Variants in NPEPPS observed in about 807,000 individuals in gnomAD.
NPEPPS encodes the protein puromycin-sensitive aminopeptidase.
NPEPPS carries 14 observed loss-of-function variants against 115.5 expected under a neutral mutation model. The observed-to-expected ratio is 0.12, with a 90% CI of 0.08 to 0.19. NPEPPS has a LOEUF of 0.19. Ranked by LOEUF, NPEPPS falls within the 10% of genes least tolerant of loss-of-function variation. NPEPPS has a pLI of 1.00. For missense variants in NPEPPS, 523 were observed against 1,110.8 expected, an observed-to-expected ratio of 0.47 and a Z score of 7.52; for synonymous variants, 285 against 390.6, an observed-to-expected ratio of 0.73 and a Z score of 3.19.
At chr17:47,576,374 T>A (rs1389334949) in intron 3 of NPEPPS, among the ~76,000 whole-genome samples, 1 of 152,150 alleles carries the variant, frequency 6.6e-6, no homozygotes, top group Non-Finnish European at 1.5e-5. Flanking sequence ...CGCCTGTAGT[T>A]CCAGCTAATC....
intron 3 of NPEPPS, among the ~76,000 whole-genome samples, chr17:47,572,423 A>G (rs1420441749): frequency 6.6e-6 from 1 of 152,084 alleles, no homozygotes; most frequent in Non-Finnish European, 1.5e-5. Flanking sequence ...GCAAAATTAT[A>G]AGTATAATAG....
At chr17:47,546,044 G>GT (rs1491409710) in intron 2 of NPEPPS, 51 bp downstream of exon 2, 10 of 1,178,564 alleles carry the variant, frequency 8.5e-6, no homozygotes, top group Non-Finnish European at 1.1e-5. Context: ...CATATGTGGG[G>GT]TGTGTGTGTG....
intron 19 of NPEPPS, among the ~76,000 whole-genome samples, chr17:47,614,826 T>C (rs118119993): frequency 1.1e-3 from 166 of 152,088 alleles, no homozygotes; most frequent in Middle Eastern, 3.4e-3. Flanking sequence ...AGGACAGGAG[T>C]GGAATGTGCT....
intron 8 of NPEPPS, 153 bp downstream of exon 8, chr17:47,586,551 A>T: frequency 1.5e-6 from 1 of 661,950 alleles, no homozygotes; most frequent in Non-Finnish European, 2.7e-6. Context: ...AAGAATGCAG[A>T]TGGACACCCC....
chr17:47,579,877 T>A (rs1271198297), intron 4 of NPEPPS: 1 of 189,948 alleles, frequency 5.3e-6, no homozygotes, highest in East Asian at 1.5e-4. Context: ...TTCTTTGACA[T>A]CTTTTGTTTA....
intron 15 of NPEPPS, among the ~76,000 whole-genome samples, chr17:47,602,198 T>C (rs1005218648): frequency 8.5e-5 from 13 of 152,184 alleles, no homozygotes; most frequent in Non-Finnish European, 1.9e-4. Context: ...TTCACAAAAA[T>C]ACCAATAGGT....
chr17:47,549,876 A>C (rs2143728866), intron 2 of NPEPPS, among the ~76,000 whole-genome samples: 1 of 151,426 alleles, frequency 6.6e-6, no homozygotes, highest in Non-Finnish European at 1.5e-5. Flanking sequence ...TAAAAAAAGA[A>C]GGTAAAAGTA....
chr17:47,550,588 AAC>A (rs1909575499), intron 2 of NPEPPS, among the ~76,000 whole-genome samples: 2 of 147,644 alleles, frequency 1.4e-5, no homozygotes, highest in African/African-American at 4.9e-5. Flanking sequence ...TAGATATAGT[AAC>A]AGTTATACCA....
chr17:47,544,731 T>G (rs2075467994), intron 1 of NPEPPS, among the ~76,000 whole-genome samples: 1 of 144,482 alleles, frequency 6.9e-6, no homozygotes, highest in African/African-American at 2.5e-5. Flanking sequence ...TTTTTTTTTT[T>G]GAGACGTAGG....
intron 2 of NPEPPS, chr17:47,557,627 T>TGCA (rs1231500502): frequency 6.7e-6 from 1 of 149,344 alleles, no homozygotes; most frequent in African/African-American, 2.4e-5. Context: ...AAAAATGTAC[T>TGCA]GCTTTTAGCT....
At chr17:47,605,741 TG>T (rs1224200153) in intron 17 of NPEPPS, among the ~76,000 whole-genome samples, 189 bp downstream of exon 17, 1 of 152,174 alleles carries the variant, frequency 6.6e-6, no homozygotes, top group Non-Finnish European at 1.5e-5. Flanking sequence ...GAAACAGTAG[TG>T]GTTATGTGTG....
At chr17:47,535,242 CAAAAAAAAAAAAA>C (rs1163530675) in intron 1 of NPEPPS, among the ~76,000 whole-genome samples, 5 of 57,102 alleles carry the variant, frequency 8.8e-5, no homozygotes, top group African/African-American at 9.6e-5. Flanking sequence ...GACTCTGTCT[CAAAAAAAAAAAAA>C]AAAAAAAAAA....
intron 19 of NPEPPS, among the ~76,000 whole-genome samples, chr17:47,615,724 G>A (rs745796868): frequency 1.3e-5 from 2 of 152,076 alleles, no homozygotes; most frequent in African/African-American, 2.4e-5. Context: ...AAAAATAGGG[G>A]TTCTGTAAAT....
intron 2 of NPEPPS, among the ~76,000 whole-genome samples, chr17:47,558,316 A>T (rs1910196333): frequency 6.6e-6 from 1 of 151,242 alleles, no homozygotes; most frequent in South Asian, 2.1e-4. Context: ...TTTAGTAGAG[A>T]TGGGGTTTCA....
chr17:47,562,909 G>A (rs979655471), intron 2 of NPEPPS, among the ~76,000 whole-genome samples: 1 of 151,508 alleles, frequency 6.6e-6, no homozygotes, highest in African/African-American at 2.4e-5. Context: ...TTAAAACGTG[G>A]TCTTTATATT....
chr17:47,538,018 C>G (rs1175028670), intron 1 of NPEPPS, among the ~76,000 whole-genome samples: 1 of 151,076 alleles, frequency 6.6e-6, no homozygotes, highest in Non-Finnish European at 1.5e-5. Context: ...TTCAGCCTCC[C>G]TAGTAGCTGG....
intron 19 of NPEPPS, among the ~76,000 whole-genome samples, chr17:47,615,064 A>ACTTT (rs1191712842): frequency 8.0e-5 from 11 of 137,152 alleles, no homozygotes; most frequent in African/African-American, 2.4e-4. Context: ...TAATAGGTTT[A>ACTTT]CTTTCTTTCT....
chr17:47,552,677 C>G (rs868501790), intron 2 of NPEPPS, among the ~76,000 whole-genome samples: 11 of 152,074 alleles, frequency 7.2e-5, no homozygotes, highest in African/African-American at 2.7e-4. Flanking sequence ...TTAGTGACTG[C>G]TGTTTTAGGA....
At chr17:47,549,446 G>C (rs1909473267) in intron 2 of NPEPPS, among the ~76,000 whole-genome samples, 1 of 152,048 alleles carries the variant, frequency 6.6e-6, no homozygotes, top group South Asian at 2.1e-4. Flanking sequence ...CGTAATTTTA[G>C]AGTTTAAGAG....
Sources: allele counts gnomAD v4.1 joint callset (sites outside exome capture counted in the v4.1 genomes callset), GRCh38; gene constraint gnomAD v4.1.1; transcripts MANE v1.5; gene names NCBI Gene and HGNC (gene_info 2026-07-23, HGNC 2026-07-21).